FAM193A: variants seen among roughly 807,000 people sequenced by gnomAD.
The protein encoded by FAM193A is protein FAM193A.
Under a neutral mutation model 126.5 loss-of-function variants are expected in FAM193A, and 22 were observed. The ratio of observed to expected loss-of-function variants is 0.17; its 90% CI spans 0.12 to 0.25. The LOEUF is 0.25. Among genes scored for constraint, FAM193A ranks in the 10% least tolerant of loss-of-function variants. The pLI is 1.00. For missense variants in FAM193A, 1,675 were observed against 1,672.8 expected, an observed-to-expected ratio of 1.00 and a Z score of -0.02; for synonymous variants, 761 against 646.8, an observed-to-expected ratio of 1.18 and a Z score of -2.68.
At chr4:2,697,788 C>T (rs772218437) in intron 18 of FAM193A, among the ~76,000 whole-genome samples, 12 of 152,216 alleles carry the variant, frequency 7.9e-5, no homozygotes, top group Non-Finnish European at 1.3e-4. Context: ...CCCCAGAAGA[C>T]TAGAGACTGC....
intron 8 of FAM193A, among the ~76,000 whole-genome samples, chr4:2,659,278 A>G (rs1350647552): frequency 6.6e-6 from 1 of 152,194 alleles, no homozygotes; most frequent in East Asian, 1.9e-4. Context: ...CAGACAGGGT[A>G]AAGGCCGGGT....
intron 19 of FAM193A, among the ~76,000 whole-genome samples, chr4:2,714,230 A>G (rs1323440241): frequency 6.6e-6 from 1 of 152,124 alleles, no homozygotes; most frequent in Non-Finnish European, 1.5e-5. Flanking sequence ...GCATCAGCAG[A>G]CGGTGTTCTG....
intron 5 of FAM193A, among the ~76,000 whole-genome samples, chr4:2,632,248 C>G (rs1743663619): frequency 6.6e-6 from 1 of 152,064 alleles, no homozygotes; most frequent in Admixed American, 6.5e-5. Context: ...ATCTGATTCT[C>G]AAGTTGATGG....
chr4:2,577,423 T>G (rs1384136883), intron 1 of FAM193A, among the ~76,000 whole-genome samples: 1 of 86,420 alleles, frequency 1.2e-5, no homozygotes, highest in Non-Finnish European at 2.1e-5. Flanking sequence ...TTTTTTTTTG[T>G]TTTTTTTTTT....
At chr4:2,731,694 G>A in intron 20 of FAM193A, 81 bp from the exon 21 acceptor site, 1 of 1,048,342 alleles carries the variant, frequency 9.5e-7, no homozygotes, top group Non-Finnish European at 1.5e-6. Context: ...GGCAAGAACA[G>A]GAGTGTGATG....
In FAM193A at chr4:2,694,001, G is replaced by A. The variant is rs149920264; in HGVS notation, c.3092+127G>A. ...AAGTCTAGTGAAATGCCGAGGGAAT[G>A]CAGGGATGTCCCCAGCAGAGGCCAT... On this transcript the variant is annotated intron_variant, in intron 16 of 20. Transcript: ENST00000637812. 1.0e-3 allele frequency: 1,003 copies of A among 1,006,636 alleles called. 3 individuals carry two copies. In the African/African-American group the frequency reaches 0.015, roughly 15 times the overall value. 62.4% of individuals were successfully genotyped at this position (1,006,636 alleles called of 1,614,324 possible).
intron 1 of FAM193A, among the ~76,000 whole-genome samples, chr4:2,589,654 T>TGTAACCA (rs1169454548): frequency 6.6e-6 from 1 of 152,246 alleles, no homozygotes; most frequent in Non-Finnish European, 1.5e-5. Context: ...CCAATCTCTT[T>TGTAACCA]GTAACCACTG....
In FAM193A at chr4:2,631,001, G is replaced by A. The variant is rs755828198; in HGVS notation, c.870G>A (p.Leu290=). ...RLEQQAREYV[L]EMKVRLLRQL... ...AACAGCAAGCTCGAGAGTATGTGCT[G>A]GAGATGAAGGTCCGCCTGCTCCGGC... The change falls in exon 5 of 21, where the codon CTG becomes CTA. Residue 290 remains leucine, a synonymous_variant. Coordinates refer to ENST00000637812, the MANE Select transcript of FAM193A (RefSeq NM_001366318.2). The A allele has an allele frequency of 3.7e-6, 6 of 1,613,446 alleles. No homozygotes were observed. Among genetic ancestry groups the A allele is most frequent in the South Asian group, 2.2e-5 (2 of 91,062 alleles).
chr4:2,598,636 C>T (rs944707490), intron 2 of FAM193A, among the ~76,000 whole-genome samples: 2 of 152,142 alleles, frequency 1.3e-5, no homozygotes, highest in Non-Finnish European at 2.9e-5. Flanking sequence ...CTTCCTTAAA[C>T]GTTATTGGTT....
Position 2,658,846 on chromosome 4 carries a change from G to A in FAM193A, c.1390-712G>A, listed in dbSNP as rs570889036. 3.9e-5 allele frequency among the ~76,000 whole-genome samples: 6 copies of A among 152,290 alleles called. No homozygotes were observed. In the South Asian group the frequency reaches 1.0e-3, roughly 26 times the overall value. ...GCTCACTGCAACCTCTGCCTCCCGGGTTCAAGCGGTACTCGTGTCTCAGCC... is the reference window on the plus strand; with the variant it reads ...GCTCACTGCAACCTCTGCCTCCCGGATTCAAGCGGTACTCGTGTCTCAGCC... On this transcript the variant is annotated intron_variant, in intron 8 of 20. Coordinates refer to ENST00000637812, the MANE Select transcript of FAM193A (RefSeq NM_001366318.2).
chr4:2,541,133 G>T (rs1356270342), intron 1 of FAM193A, among the ~76,000 whole-genome samples: 1 of 151,738 alleles, frequency 6.6e-6, no homozygotes, highest in African/African-American at 2.4e-5. Context: ...AACTGGGTGT[G>T]GTGGCGCATG....
At chr4:2,619,974 A>G (rs1002555003) in intron 2 of FAM193A, among the ~76,000 whole-genome samples, 7 of 152,180 alleles carry the variant, frequency 4.6e-5, no homozygotes, top group African/African-American at 1.4e-4. Flanking sequence ...TACAAGCGTG[A>G]GCCACTGCAC....
At chr4:2,632,865 T>C (rs1315042767) in intron 5 of FAM193A, among the ~76,000 whole-genome samples, 1 of 152,154 alleles carries the variant, frequency 6.6e-6, no homozygotes, top group Non-Finnish European at 1.5e-5. Context: ...GCCCCTCCTC[T>C]GTCTTCTACA....
rs769082843 is a variant in FAM193A at position 2,706,848 on chromosome 4, G to T, written c.4372+6304G>T. ...CTCCATTTAAAAAAAGCTTGTTGGG[G>T]CCGGGCTCACACCTGTAATCCCAGC... On this transcript the variant is annotated intron_variant, in intron 19 of 20. Transcript: ENST00000637812. Among the ~76,000 whole-genome samples the T allele has an allele frequency of 1.4e-4, 21 of 151,580 alleles. 1 individual carries two copies. The highest frequency in any genetic ancestry group is 2.5e-4 in the Non-Finnish European group (17 of 67,856).
intron 1 of FAM193A, among the ~76,000 whole-genome samples, chr4:2,547,322 G>C (rs753741899): frequency 2.6e-5 from 4 of 152,110 alleles, no homozygotes; most frequent in Non-Finnish European, 5.9e-5. Context: ...GAACCTGGGA[G>C]GTGAAGGTTG....
At chr4:2,717,341 C>G (rs1719652062) in intron 20 of FAM193A, among the ~76,000 whole-genome samples, 1 of 152,024 alleles carries the variant, frequency 6.6e-6, no homozygotes, top group South Asian at 2.1e-4. Flanking sequence ...ACCTGTAATC[C>G]CAACACTTTG....
Position 2,596,260 on chromosome 4 carries a change from G to T in FAM193A, c.432G>T (p.Leu144=). Residue 144 remains leucine (L), a synonymous_variant, in exon 2 of 21, where the codon CTG becomes CTT. Transcript: ENST00000637812. Reference sequence around the variant, plus strand: ...GCAACAGCGTGCTGCACCTGCCACTGTGGGTGTGCCCGGACTGCCGCAGGA... The same window carrying T: ...GCAACAGCGTGCTGCACCTGCCACTTTGGGTGTGCCCGGACTGCCGCAGGA... ...PKGNSVLHLP[L]WVCPDCRRTV... 8 of 703,050 alleles carry T rather than the reference G, an allele frequency of 1.1e-5. No homozygotes were observed. The highest frequency in any genetic ancestry group is 7.8e-6 in the Non-Finnish European group (3 of 385,028). The allele number at this position is 703,050 out of a possible 1,614,324, so 43.6% of individuals were successfully genotyped here.
At chr4:2,638,575 A>G (rs528094471) in intron 5 of FAM193A, among the ~76,000 whole-genome samples, 5 of 152,342 alleles carry the variant, frequency 3.3e-5, no homozygotes, top group South Asian at 4.1e-4. Flanking sequence ...TTTTCTGCAG[A>G]TGGCATAGAT....
At chr4:2,557,467 C>T (rs1338247289) in intron 1 of FAM193A, among the ~76,000 whole-genome samples, 1 of 152,174 alleles carries the variant, frequency 6.6e-6, no homozygotes, top group Non-Finnish European at 1.5e-5. Context: ...TTAAAATGTC[C>T]TGTTTCTGTT....
Sources: allele counts gnomAD v4.1 joint callset (sites outside exome capture counted in the v4.1 genomes callset), GRCh38; gene constraint gnomAD v4.1.1; transcripts MANE v1.5; gene names NCBI Gene and HGNC (gene_info 2026-07-23, HGNC 2026-07-21).